ALK: variants seen among roughly 807,000 people sequenced by gnomAD.
ALK encodes the protein ALK receptor tyrosine kinase.
A neutral mutation model predicts 163.1 loss-of-function variants in ALK; 74 were observed. That is an observed-to-expected ratio of 0.45 (90% CI 0.38 to 0.55). The LOEUF is 0.55. Among genes scored for constraint, ALK ranks in the 20% least tolerant of loss-of-function variants. The pLI, the probability that ALK is intolerant of heterozygous loss-of-function variation, is 0.00. For synonymous variants in ALK, 960 were observed against 843.2 expected (o/e 1.14, Z -2.40); for missense variants, 2,063 against 2,105.3 (o/e 0.98, Z 0.39).
rs559838586 is a variant in ALK at position 29,545,479 on chromosome 2, T to C, written c.953-13363A>G. On this transcript the variant is annotated intron_variant, in intron 3 of 28. Transcript: ENST00000389048. ...TGGCATGCTTTGCCTAATATTGAGA[T>C]AATGGAAAGACAGAACTTCAAAGCT... Among the ~76,000 whole-genome samples, 5 of 152,296 alleles carry C rather than the reference T, an allele frequency of 3.3e-5. No homozygotes were observed. In the Middle Eastern group the frequency reaches 0.017, roughly 518 times the overall value.
At chr2:29,651,286 G>C (rs6718929) in intron 3 of ALK, among the ~76,000 whole-genome samples, 120,499 of 152,034 alleles carry the variant, frequency 0.79, 48,332 homozygotes, top group African/African-American at 0.92. Flanking sequence ...TCCCTAAGGA[G>C]TAGTGATACA....
intron 16 of ALK, among the ~76,000 whole-genome samples, chr2:29,228,654 TCA>T (rs1664086289): frequency 6.6e-6 from 1 of 151,580 alleles, no homozygotes; most frequent in South Asian, 2.1e-4. Flanking sequence ...ACATCAAGAA[TCA>T]CATGGGATCT....
chr2:29,253,274 G>C (rs1421364606), intron 11 of ALK, among the ~76,000 whole-genome samples: 2 of 152,192 alleles, frequency 1.3e-5, no homozygotes, highest in East Asian at 3.9e-4. Context: ...CAAAATATAT[G>C]TGTGGGCTGT....
chr2:29,420,659 G>A (rs917976773), intron 4 of ALK, among the ~76,000 whole-genome samples: 9 of 151,600 alleles, frequency 5.9e-5, no homozygotes, highest in African/African-American at 2.0e-4. Flanking sequence ...AGTGGGGCCC[G>A]CGACTCCTCT....
chr2:29,844,342 C>G (rs1040001488), intron 1 of ALK, among the ~76,000 whole-genome samples: 2 of 152,124 alleles, frequency 1.3e-5, no homozygotes, highest in African/African-American at 4.8e-5. Context: ...CAGTGGGGAG[C>G]AGGTGCAGAT....
At chr2:29,706,938 T>C (rs889271003) in intron 2 of ALK, among the ~76,000 whole-genome samples, 2 of 150,324 alleles carry the variant, frequency 1.3e-5, no homozygotes, top group East Asian at 4.0e-4. Context: ...TCCAGTTTAA[T>C]TCTCTGCTTG....
intron 5 of ALK, among the ~76,000 whole-genome samples, chr2:29,351,719 C>T (rs1458209245): frequency 1.3e-5 from 2 of 152,150 alleles, no homozygotes; most frequent in East Asian, 3.9e-4. Flanking sequence ...GCTGGAGAGG[C>T]TAATGTGGGC....
At chr2:29,884,972 A>G (rs1666951867) in intron 1 of ALK, among the ~76,000 whole-genome samples, 1 of 151,480 alleles carries the variant, frequency 6.6e-6, no homozygotes, top group Middle Eastern at 3.2e-3. Context: ...TAACTCTACC[A>G]TTTTGTGCAA....
chr2:29,196,023 C>T (rs542005102), intron 28 of ALK, among the ~76,000 whole-genome samples: 48 of 152,128 alleles, frequency 3.2e-4, no homozygotes, highest in African/African-American at 8.9e-4. Flanking sequence ...ATGATCTCCA[C>T]CCTCTTGGTG....
intron 5 of ALK, among the ~76,000 whole-genome samples, chr2:29,380,442 G>T (rs760821813): frequency 6.6e-6 from 1 of 150,722 alleles, no homozygotes; most frequent in African/African-American, 2.4e-5. Context: ...TTTTGAGACG[G>T]AGTTTCACTC....
intron 1 of ALK, among the ~76,000 whole-genome samples, chr2:29,772,107 G>C (rs893093224): frequency 2.6e-5 from 4 of 152,210 alleles, no homozygotes; most frequent in African/African-American, 9.7e-5. Flanking sequence ...TGGGAGCAGG[G>C]AAGAGGGCTC....
At chr2:29,332,801 GA>G (rs1667483772) in intron 5 of ALK, among the ~76,000 whole-genome samples, 1 of 152,178 alleles carries the variant, frequency 6.6e-6, no homozygotes, top group Non-Finnish European at 1.5e-5. Context: ...TGTTTATGAT[GA>G]CGCTTTGAAG....
chr2:29,841,319 G>C (rs1665692838), intron 1 of ALK, among the ~76,000 whole-genome samples: 1 of 152,192 alleles, frequency 6.6e-6, no homozygotes, highest in Non-Finnish European at 1.5e-5. Context: ...TCTATCATCA[G>C]CTAATTCTAG....
chr2:29,802,325 AG>A (rs1664488084), intron 1 of ALK, among the ~76,000 whole-genome samples: 2 of 70,180 alleles, frequency 2.8e-5, no homozygotes, highest in Non-Finnish European at 5.4e-5. Flanking sequence ...ATGGGAGGGG[AG>A]AGGAGGGGAG....
chr2:29,782,421 C>A (rs930494649), intron 1 of ALK, among the ~76,000 whole-genome samples: 1 of 152,182 alleles, frequency 6.6e-6, no homozygotes, highest in Non-Finnish European at 1.5e-5. Flanking sequence ...AGCCCTCACA[C>A]TTCCAGGGGC....
At chr2:29,616,838 C>A (rs2148225720) in intron 3 of ALK, among the ~76,000 whole-genome samples, 1 of 152,294 alleles carries the variant, frequency 6.6e-6, no homozygotes, top group African/African-American at 2.4e-5. Context: ...CCCTGTCATT[C>A]ACCTTTTGCC....
chr2:29,447,916 C>T (rs78136019), intron 4 of ALK, among the ~76,000 whole-genome samples: 1,929 of 152,202 alleles, frequency 0.013, 25 homozygotes, highest in African/African-American at 0.029. Context: ...AGGGATGTTG[C>T]CTTTGTTGCA....
intron 4 of ALK, among the ~76,000 whole-genome samples, chr2:29,529,779 C>T (rs999514299): frequency 2.6e-5 from 4 of 152,250 alleles, no homozygotes; most frequent in African/African-American, 7.2e-5. Flanking sequence ...ATCACTCCAG[C>T]TCATCACTAA....
chr2:29,505,381 C>T (rs72794471), intron 4 of ALK, among the ~76,000 whole-genome samples: 11,134 of 152,158 alleles, frequency 0.073, 554 homozygotes, highest in Non-Finnish European at 0.11. Flanking sequence ...TCTTTGGGGG[C>T]GGTGAGCTTC....
Sources: allele counts gnomAD v4.1 joint callset (sites outside exome capture counted in the v4.1 genomes callset), GRCh38; gene constraint gnomAD v4.1.1; transcripts MANE v1.5; gene names NCBI Gene and HGNC (gene_info 2026-07-23, HGNC 2026-07-21).